GRIA2: variants seen among roughly 807,000 people sequenced by gnomAD.
GRIA2 encodes the protein glutamate ionotropic receptor AMPA type subunit 2.
In GRIA2, 14 loss-of-function variants were observed where a neutral mutation model predicts 97.3. That is an observed-to-expected ratio of 0.14 (90% CI 0.10 to 0.23). The LOEUF (loss-of-function observed/expected upper bound fraction) is 0.23, where lower values mean the gene tolerates loss of function less well. GRIA2 is among the 10% of genes least tolerant of loss of function. GRIA2 has a pLI of 1.00. For synonymous variants in GRIA2, 412 were observed against 387.8 expected (o/e 1.06, Z -0.73); for missense variants, 558 against 1,069.8 (o/e 0.52, Z 6.67).
intron 12 of GRIA2, among the ~76,000 whole-genome samples, chr4:157,357,063 C>T (rs1736416228): frequency 6.6e-6 from 1 of 151,988 alleles, no homozygotes; most frequent in Non-Finnish European, 1.5e-5. Context: ...CTGCTGGTTA[C>T]TTTTTTATTT....
At chr4:157,359,824 T>A (rs1736556729) in intron 12 of GRIA2, 72 bp from the exon 13 acceptor site, 4 of 1,350,896 alleles carry the variant, frequency 3.0e-6, no homozygotes, top group Non-Finnish European at 3.1e-6. Context: ...AAGTAATACC[T>A]CTTTTTGTGT....
rs2126998402 is a variant in GRIA2 at position 157,359,883 on chromosome 4, A to G, written c.2044-13A>G. 5 of 1,611,524 alleles carry G rather than the reference A, an allele frequency of 3.1e-6. No homozygotes were observed. Among genetic ancestry groups the G allele is most frequent in the Non-Finnish European group, 4.2e-6 (5 of 1,178,268 alleles). Reference sequence around the variant, plus strand: ...ATCTCTTAATGCTATCTGGCCCCTTACTTTTCCTGCAGAGATCTAAAATTG... The same window carrying G: ...ATCTCTTAATGCTATCTGGCCCCTTGCTTTTCCTGCAGAGATCTAAAATTG... On this transcript the variant is annotated splice_polypyrimidine_tract_variant and intron_variant, in intron 12 of 15. Coordinates refer to ENST00000264426, the MANE Select transcript of GRIA2 (RefSeq NM_001083619.3).
chr4:157,237,334 A>C (rs191627327), intron 2 of GRIA2, among the ~76,000 whole-genome samples: 3 of 150,520 alleles, frequency 2.0e-5, no homozygotes, highest in Non-Finnish European at 4.4e-5. Context: ...TCTGTCATCC[A>C]CCCAGGCTGG....
chr4:157,325,411 G>T (rs747343610), intron 6 of GRIA2, among the ~76,000 whole-genome samples: 3 of 151,932 alleles, frequency 2.0e-5, no homozygotes, highest in Non-Finnish European at 2.9e-5. Flanking sequence ...ATTCATTTAT[G>T]AATTCATTTA....
chr4:157,297,358 A>G (rs769385152), intron 2 of GRIA2, among the ~76,000 whole-genome samples: 1 of 152,152 alleles, frequency 6.6e-6, no homozygotes, highest in African/African-American at 2.4e-5. Flanking sequence ...CTAAAGGAAA[A>G]TATGAGCAAA....
chr4:157,230,339 AG>A (rs1251009887), intron 2 of GRIA2, among the ~76,000 whole-genome samples: 2 of 152,174 alleles, frequency 1.3e-5, no homozygotes, highest in Admixed American at 6.5e-5. Flanking sequence ...TTTCAAGGTA[AG>A]GGAAAATATT....
At chr4:157,250,071 G>A (rs1730955513) in intron 2 of GRIA2, among the ~76,000 whole-genome samples, 1 of 151,976 alleles carries the variant, frequency 6.6e-6, no homozygotes, top group Admixed American at 6.6e-5. Context: ...TGCGTTAATG[G>A]GACTGCCAAT....
At chr4:157,323,102 G>A (rs1000756778) in intron 6 of GRIA2, among the ~76,000 whole-genome samples, 1 of 151,932 alleles carries the variant, frequency 6.6e-6, no homozygotes, top group African/African-American at 2.4e-5. Flanking sequence ...TTGGGAGGCC[G>A]AGGTGGGCGG....
At chr4:157,224,378 A>G (rs1433763209) in intron 2 of GRIA2, among the ~76,000 whole-genome samples, 1 of 152,182 alleles carries the variant, frequency 6.6e-6, no homozygotes, top group Non-Finnish European at 1.5e-5. Context: ...GGGTACTGTG[A>G]CAGAAGAGAG....
chr4:157,259,020 G>A (rs556257999), intron 2 of GRIA2, among the ~76,000 whole-genome samples: 6 of 152,088 alleles, frequency 3.9e-5, no homozygotes, highest in African/African-American at 1.4e-4. Context: ...CCAGGAGTTC[G>A]AGACCAGCCT....
chr4:157,323,009 AGGTGAC>A (rs1734644960), intron 6 of GRIA2, among the ~76,000 whole-genome samples: 2 of 152,090 alleles, frequency 1.3e-5, no homozygotes, highest in South Asian at 4.1e-4. Flanking sequence ...TTCAAAAACG[AGGTGAC>A]TTCCTATTTG....
At chr4:157,275,962 C>T (rs540132103) in intron 2 of GRIA2, among the ~76,000 whole-genome samples, 2 of 152,200 alleles carry the variant, frequency 1.3e-5, no homozygotes, top group South Asian at 4.2e-4. Flanking sequence ...GGCAGTATGG[C>T]CATTTTCACT....
intron 2 of GRIA2, among the ~76,000 whole-genome samples, chr4:157,233,191 A>G (rs1730098139): frequency 6.6e-6 from 1 of 152,188 alleles, no homozygotes; most frequent in Non-Finnish European, 1.5e-5. Flanking sequence ...AGAGACTAAC[A>G]AAATAAATCA....
intron 6 of GRIA2, among the ~76,000 whole-genome samples, chr4:157,331,115 A>G (rs1334629229): frequency 2.0e-5 from 3 of 152,020 alleles, no homozygotes; most frequent in Admixed American, 6.6e-5. Context: ...TTGTGTTTCT[A>G]TGATTGTGAC....
At chr4:157,355,969 T>TTATGTATA (rs747562100) in intron 12 of GRIA2, among the ~76,000 whole-genome samples, 1 of 78,766 alleles carries the variant, frequency 1.3e-5, no homozygotes, top group South Asian at 3.9e-4. Context: ...TTATGTATAT[T>TTATGTATA]AATATATATA....
intron 12 of GRIA2, among the ~76,000 whole-genome samples, chr4:157,346,092 T>C (rs1735752469): frequency 1.3e-5 from 2 of 152,130 alleles, no homozygotes; most frequent in South Asian, 4.1e-4. Context: ...TAATCAATAT[T>C]ACAAGAGAAT....
At chr4:157,346,500 T>C (rs923899816) in intron 12 of GRIA2, among the ~76,000 whole-genome samples, 1 of 152,178 alleles carries the variant, frequency 6.6e-6, no homozygotes, top group African/African-American at 2.4e-5. Context: ...ATATATCTAT[T>C]TATCAATATA....
chr4:157,314,220 G>A (rs577817771), intron 4 of GRIA2, among the ~76,000 whole-genome samples: 14 of 152,234 alleles, frequency 9.2e-5, no homozygotes, highest in African/African-American at 3.4e-4. Context: ...ACACACTTGT[G>A]TATGCATTTC....
At position 157,317,887 on chromosome 4, in the gene GRIA2, A is replaced by T. The variant is rs563030356; in HGVS notation, c.720+176A>T. 5.9e-5 allele frequency among the ~76,000 whole-genome samples: 9 copies of T among 152,184 alleles called. No individual in the cohort carries two copies. In the South Asian group the frequency reaches 1.9e-3, roughly 32 times the overall value. Reference sequence around the variant, plus strand: ...GCTACTTGGGAGGCTGAGGCAGGAAAATTGCTTGAATCCAGAAGGCGGAGG... The same window carrying T: ...GCTACTTGGGAGGCTGAGGCAGGAATATTGCTTGAATCCAGAAGGCGGAGG... On this transcript the variant is annotated intron_variant, in intron 5 of 15. Coordinates refer to ENST00000264426, the MANE Select transcript of GRIA2 (RefSeq NM_001083619.3).
Sources: allele counts gnomAD v4.1 joint callset (sites outside exome capture counted in the v4.1 genomes callset), GRCh38; gene constraint gnomAD v4.1.1; transcripts MANE v1.5; gene names NCBI Gene and HGNC (gene_info 2026-07-23, HGNC 2026-07-21).